The following FOXP1 variants were observed in gnomAD, a reference collection of about 807,000 sequenced individuals.
FOXP1 encodes the protein forkhead box P1.
Under a neutral mutation model 98.2 loss-of-function variants are expected in FOXP1, and 15 were observed. The ratio of observed to expected loss-of-function variants is 0.15; its 90% confidence interval spans 0.10 to 0.24. The LOEUF (loss-of-function observed/expected upper bound fraction) is 0.24. FOXP1 is among the 10% of genes least tolerant of loss of function. FOXP1 has a pLI of 1.00. For missense variants in FOXP1, 633 were observed against 848.5 expected (o/e 0.75, Z 3.15); for synonymous variants, 371 against 314.5 (o/e 1.18, Z -1.90).
intron 11 of FOXP1, among the ~76,000 whole-genome samples, chr3:71,021,734 G>GTA (rs1201652828): frequency 2.6e-5 from 4 of 152,126 alleles, no homozygotes; most frequent in African/African-American, 9.7e-5. Context: ...CTAGGAAATG[G>GTA]TACCTTATTG....
intron 3 of FOXP1, among the ~76,000 whole-genome samples, chr3:71,422,722 A>G (rs2083758015): frequency 6.6e-6 from 1 of 152,228 alleles, no homozygotes; most frequent in South Asian, 2.1e-4. Context: ...TACAGCTCCC[A>G]CACTTCAGAG....
intron 3 of FOXP1, among the ~76,000 whole-genome samples, chr3:71,373,297 C>T (rs1021456475): frequency 1.3e-5 from 2 of 149,372 alleles, no homozygotes; most frequent in South Asian, 2.1e-4. Flanking sequence ...TAAGAGCATC[C>T]TATATGCTCC....
At chr3:71,380,947 C>T (rs116610224) in intron 3 of FOXP1, among the ~76,000 whole-genome samples, 1,831 of 151,954 alleles carry the variant, frequency 0.012, 20 homozygotes, top group African/African-American at 0.034. Flanking sequence ...GCTAGTAAAA[C>T]GTAAAACTTA....
At chr3:71,301,434 A>G (rs1032737404) in intron 4 of FOXP1, among the ~76,000 whole-genome samples, 1 of 152,222 alleles carries the variant, frequency 6.6e-6, no homozygotes, top group Non-Finnish European at 1.5e-5. Flanking sequence ...TACAAAGCGC[A>G]CACAGAAATT....
At chr3:71,509,164 C>A (rs561128477) in intron 2 of FOXP1, among the ~76,000 whole-genome samples, 2 of 152,188 alleles carry the variant, frequency 1.3e-5, no homozygotes, top group African/African-American at 4.8e-5. Context: ...GAAGCATGCC[C>A]TTGTGCAGAT....
At chr3:71,225,852 TG>T (rs2065793615) in intron 5 of FOXP1, among the ~76,000 whole-genome samples, 1 of 152,120 alleles carries the variant, frequency 6.6e-6, no homozygotes, top group South Asian at 2.1e-4. Context: ...GACATATTAG[TG>T]CAGAGGAAGA....
At chr3:71,573,086 A>C (rs1169482074) in intron 2 of FOXP1, among the ~76,000 whole-genome samples, 1 of 152,214 alleles carries the variant, frequency 6.6e-6, no homozygotes, top group African/African-American at 2.4e-5. Context: ...TTATATTTAA[A>C]GAATTTTTAA....
intron 7 of FOXP1, among the ~76,000 whole-genome samples, chr3:71,055,315 T>C (rs1430145125): frequency 1.3e-5 from 2 of 152,178 alleles, no homozygotes; most frequent in African/African-American, 4.8e-5. Flanking sequence ...GATGTGCCAG[T>C]GTCGTGTGTT....
intron 4 of FOXP1, among the ~76,000 whole-genome samples, chr3:71,313,338 C>T (rs1398202672): frequency 2.6e-5 from 4 of 151,782 alleles, no homozygotes; most frequent in South Asian, 2.1e-4. Flanking sequence ...GGATTACAGG[C>T]GTGAGCCACT....
rs537400657 is a variant in FOXP1, at chr3:71,186,731, A to AAT, written c.180+11469_180+11470dup. Among the ~76,000 whole-genome samples, 528 of 152,128 alleles carry AAT rather than the reference A, an allele frequency of 3.5e-3. 1 individual carries two copies. Among genetic ancestry groups the AAT allele is most frequent in the African/African-American group, 0.012 (499 of 41,408 alleles). On this transcript the variant is annotated intron_variant, in intron 6 of 20. Coordinates refer to ENST00000649528, the MANE Select transcript of FOXP1 (RefSeq NM_001349338.3). ...TCTCAAACGAACAAACAAACAAACA[A>AAT]ATATATATAGTATAAATAAATAGAT...
At chr3:71,296,707 T>C (rs1281902656) in intron 5 of FOXP1, among the ~76,000 whole-genome samples, 1 of 149,000 alleles carries the variant, frequency 6.7e-6, no homozygotes. Flanking sequence ...CAAATCTCCC[T>C]CTTGAAATCT....
chr3:71,117,622 T>A (rs1283591839), intron 6 of FOXP1, among the ~76,000 whole-genome samples: 1 of 152,054 alleles, frequency 6.6e-6, no homozygotes, highest in East Asian at 1.9e-4. Flanking sequence ...AGAAAGGATA[T>A]GAATAAATGA....
intron 12 of FOXP1, among the ~76,000 whole-genome samples, chr3:71,011,793 T>G (rs890914359): frequency 6.6e-6 from 1 of 152,166 alleles, no homozygotes; most frequent in African/African-American, 2.4e-5. Context: ...TCGTGTCATG[T>G]GCAAAACCAC....
intron 4 of FOXP1, among the ~76,000 whole-genome samples, chr3:71,324,835 C>T (rs1418634842): frequency 6.6e-6 from 1 of 151,930 alleles, no homozygotes; most frequent in East Asian, 1.9e-4. Flanking sequence ...ATAAACCAAG[C>T]GGTTGCGAAC....
At chr3:71,198,110 A>G in intron 6 of FOXP1, 92 bp downstream of exon 6, 1 of 1,613,766 alleles carries the variant, frequency 6.2e-7, no homozygotes, top group Non-Finnish European at 8.5e-7. Context: ...GTGAACACAA[A>G]ACACTGATCG....
chr3:71,432,866 A>T lies in FOXP1; in HGVS notation c.-168+60560T>A, dbSNP rs55918739. Among the ~76,000 whole-genome samples the T allele has an allele frequency of 2.9e-5, 4 of 138,462 alleles. No individual in the cohort carries two copies. The East Asian group carries it at 8.0e-4, about 28-fold the overall frequency. 90.8% of individuals were successfully genotyped at this position (138,462 alleles called of 152,430 possible). On this transcript the variant is annotated intron_variant, in intron 3 of 20. Coordinates refer to ENST00000649528, the MANE Select transcript of FOXP1 (RefSeq NM_001349338.3). ...CATGTTAAAAAAAAAAAAAAAAAAAATTAAAAAAAAAAGCCCCATGATTTG... is the reference window on the plus strand; with the variant it reads ...CATGTTAAAAAAAAAAAAAAAAAAATTTAAAAAAAAAAGCCCCATGATTTG...
At chr3:71,238,351 A>G (rs1005221523) in intron 5 of FOXP1, among the ~76,000 whole-genome samples, 3 of 152,244 alleles carry the variant, frequency 2.0e-5, no homozygotes, top group African/African-American at 7.2e-5. Flanking sequence ...CAGAGTATGT[A>G]AAGTGCCTAG....
At chr3:71,164,664 A>C (rs1346025705) in intron 6 of FOXP1, among the ~76,000 whole-genome samples, 1 of 152,242 alleles carries the variant, frequency 6.6e-6, no homozygotes, top group Admixed American at 6.5e-5. Context: ...GATTATTTTC[A>C]CCAAAATCTT....
At chr3:71,329,370 C>T (rs1262137340) in intron 4 of FOXP1, among the ~76,000 whole-genome samples, 2 of 151,904 alleles carry the variant, frequency 1.3e-5, no homozygotes, top group African/African-American at 4.8e-5. Context: ...TACAGGCACC[C>T]GCCACCAGGC....
Sources: allele counts gnomAD v4.1 joint callset (sites outside exome capture counted in the v4.1 genomes callset), GRCh38; gene constraint gnomAD v4.1.1; transcripts MANE v1.5; gene names NCBI Gene and HGNC (gene_info 2026-07-23, HGNC 2026-07-21).